The following C2orf69 variants were observed in gnomAD, a reference collection of about 807,000 sequenced individuals.
The protein encoded by C2orf69 is mitochondrial protein C2orf69.
Under a neutral mutation model 29.5 loss-of-function variants are expected in C2orf69, and 19 were observed. The ratio of observed to expected loss-of-function variants is 0.65; its 90% CI spans 0.45 to 0.95. The LOEUF (loss-of-function observed/expected upper bound fraction) is 0.95. Ranked by LOEUF, C2orf69 falls within the 40% of genes least tolerant of loss-of-function variation. C2orf69 has a pLI of 0.00. For synonymous variants in C2orf69, 194 were observed against 180.0 expected, an observed-to-expected ratio of 1.08 and a Z score of -0.62; for missense variants, 416 against 482.1, an observed-to-expected ratio of 0.86 and a Z score of 1.28.
At chr2:199,912,251 A>T (rs2077267062) in intron 1 of C2orf69, among the ~76,000 whole-genome samples, 1 of 152,182 alleles carries the variant, frequency 6.6e-6, no homozygotes, top group Non-Finnish European at 1.5e-5. Context: ...AAGAGTGGGG[A>T]TGGGTGGAAG....
At chr2:199,917,982 T>A (rs1411623304) in intron 1 of C2orf69, among the ~76,000 whole-genome samples, 2 of 152,176 alleles carry the variant, frequency 1.3e-5, no homozygotes, top group African/African-American at 4.8e-5. Context: ...CATGCCCTTC[T>A]TCATATGGTG....
At chr2:199,923,314 C>A (rs1012678817) in intron 1 of C2orf69, among the ~76,000 whole-genome samples, 3 of 152,160 alleles carry the variant, frequency 2.0e-5, no homozygotes, top group African/African-American at 7.2e-5. Flanking sequence ...TTTGAACTGT[C>A]CAGTATCGTA....
chr2:199,919,844 C>T (rs1195113283), intron 1 of C2orf69, among the ~76,000 whole-genome samples: 1 of 152,230 alleles, frequency 6.6e-6, no homozygotes, highest in African/African-American at 2.4e-5. Context: ...GTTCACTCTG[C>T]TCTAAGGGCA....
rs148785517 is a variant in C2orf69, at chr2:199,928,200, C to T, written c.*2314C>T. The T allele has an allele frequency of 2.6e-5, 4 of 152,632 alleles. No homozygotes were observed. Among genetic ancestry groups the T allele is most frequent in the Admixed American group, 2.6e-4 (4 of 15,278 alleles). 9.5% of individuals were successfully genotyped at this position (152,632 alleles called of 1,614,324 possible). ...TTTGTCATGAGTTGAGAAAAGTAGT[C>T]CTACAAATAATGTGAAAGTTGTTAC... On this transcript the variant is annotated 3_prime_UTR_variant, in exon 2 of 2. Transcript: ENST00000319974.
intron 1 of C2orf69, among the ~76,000 whole-genome samples, chr2:199,916,278 C>T (rs76143433): frequency 1.3e-5 from 2 of 152,130 alleles, no homozygotes; most frequent in East Asian, 3.9e-4. Context: ...TAACCTGCCC[C>T]ATGATTCAGT....
chr2:199,922,834 A>G lies in C2orf69; in HGVS notation c.334-2228A>G, dbSNP rs181550170. Among the ~76,000 whole-genome samples, 539 of 152,324 alleles carry G rather than the reference A, an allele frequency of 3.5e-3. 2 individuals are homozygous for G. The highest frequency in any genetic ancestry group is 5.9e-3 in the Non-Finnish European group (398 of 68,034). ...TTGCATCAGCTATTGCCCCTTCATT[A>G]TTAGGAGCCAGAGTAATATTTTCAA... On this transcript the variant is annotated intron_variant, in intron 1 of 1. Coordinates refer to ENST00000319974, the MANE Select transcript of C2orf69 (RefSeq NM_153689.6).
chr2:199,913,693 G>A (rs918308406), intron 1 of C2orf69, among the ~76,000 whole-genome samples: 1 of 150,616 alleles, frequency 6.6e-6, no homozygotes, highest in Non-Finnish European at 1.5e-5. Context: ...AGAAAAAAAA[G>A]CCACTTACTT....
At chr2:199,920,232 T>C (rs1427768610) in intron 1 of C2orf69, among the ~76,000 whole-genome samples, 1 of 152,174 alleles carries the variant, frequency 6.6e-6, no homozygotes, top group Non-Finnish European at 1.5e-5. Context: ...TACCTCTTAG[T>C]AACTCCTAGA....
At chr2:199,912,651 G>T (rs1446363217) in intron 1 of C2orf69, among the ~76,000 whole-genome samples, 1 of 151,674 alleles carries the variant, frequency 6.6e-6, no homozygotes, top group Non-Finnish European at 1.5e-5. Flanking sequence ...TCTCTTTTTT[G>T]TTTTTTTGAG....
chr2:199,918,987 T>A (rs975066827), intron 1 of C2orf69, among the ~76,000 whole-genome samples: 7 of 152,206 alleles, frequency 4.6e-5, no homozygotes, highest in Non-Finnish European at 8.8e-5. Flanking sequence ...GGTCTAGCTC[T>A]GTCAACTAGG....
chr2:199,912,952 C>A (rs931431426), intron 1 of C2orf69, among the ~76,000 whole-genome samples: 1 of 150,968 alleles, frequency 6.6e-6, no homozygotes, highest in Admixed American at 6.7e-5. Context: ...ACATGTGTTT[C>A]TTATACTATG....
chr2:199,923,120 C>CT (rs1230419120), intron 1 of C2orf69, among the ~76,000 whole-genome samples: 1 of 152,248 alleles, frequency 6.6e-6, no homozygotes, highest in Non-Finnish European at 1.5e-5. Flanking sequence ...GGTTCACTCT[C>CT]TGAGTTCCTT....
intron 1 of C2orf69, among the ~76,000 whole-genome samples, chr2:199,913,241 TAATATATATTATATAA>T (rs1415082847): frequency 3.5e-4 from 11 of 31,142 alleles, no homozygotes; most frequent in African/African-American, 1.3e-3. Context: ...ATAATATATA[TAATATATATTATATAA>T]AATATATTCT....
chr2:199,925,669 C>T lies in C2orf69; in HGVS notation c.941C>T (p.Pro314Leu), dbSNP rs751350941. The T allele has an allele frequency of 5.0e-5, 81 of 1,613,852 alleles. No individual in the cohort carries two copies. Among genetic ancestry groups the T allele is most frequent in the Middle Eastern group, 3.3e-4 (2 of 6,060 alleles). ...SGGSNTWVTY[P>L]EVLKEFAQTG... is the part of the protein sequence containing the mutation. ...GGAAGCAATACTTGGGTTACTTATC[C>T]AGAAGTCTTGAAAGAATTTGCACAA... is the stretch of plus-strand genomic sequence containing the variant. Residue 314 changes from proline to leucine, a missense_variant, in exon 2 of 2, where the codon CCA (proline) becomes CTA (leucine). Pro to Leu is a moderately conservative substitution (Grantham distance 98). Transcript: ENST00000319974. This position sits in a 1 kb window ranked among gnomAD's most constrained non-coding sequence, Gnocchi z 4.9.
chr2:199,919,389 AG>A (rs1230254259), intron 1 of C2orf69, among the ~76,000 whole-genome samples: 1 of 152,254 alleles, frequency 6.6e-6, no homozygotes, highest in Non-Finnish European at 1.5e-5. Flanking sequence ...CCTAAAGGTT[AG>A]GATCTATAGA....
rs532211246 is a variant in C2orf69, at chr2:199,913,181, A to T, written c.333+1410A>T. On this transcript the variant is annotated intron_variant, in intron 1 of 1. Coordinates refer to ENST00000319974, the MANE Select transcript of C2orf69 (RefSeq NM_153689.6). ...TATTTTATATATATATTATATATAA[A>T]ATTATATATATTATATATAATATAT... Among the ~76,000 whole-genome samples, 431 of 112,394 alleles carry T rather than the reference A, an allele frequency of 3.8e-3. 7 individuals are homozygous for T. The highest frequency in any genetic ancestry group is 0.014 in the African/African-American group (403 of 28,212). 73.7% of individuals were successfully genotyped at this position (112,394 alleles called of 152,430 possible).
In C2orf69 at chr2:199,925,747, T is replaced by C; in HGVS notation, c.1019T>C (p.Met340Thr). 6.2e-7 allele frequency: 1 copy of C among 1,613,680 alleles called. No individual in the cohort carries two copies. The highest frequency in any genetic ancestry group is 8.5e-7 in the Non-Finnish European group (1 of 1,179,636). ...HVTPYQVRDP[M>T]RSWIGKEHKK... ...ACACCTTACCAAGTACGTGATCCAA[T>C]GAGATCTTGGATTGGAAAGGAGCAC... The change falls in exon 2 of 2, where the codon ATG becomes ACG. Residue 340 changes from methionine (M) to threonine (T), a missense_variant. Physicochemically the swap from Met to Thr is moderately conservative, Grantham distance 81. Transcript: ENST00000319974. The surrounding 1 kb of genome is among the most constrained non-coding windows in gnomAD (Gnocchi z 4.9).
intron 1 of C2orf69, among the ~76,000 whole-genome samples, chr2:199,912,723 C>T (rs2077270686): frequency 6.6e-6 from 1 of 152,114 alleles, no homozygotes; most frequent in Admixed American, 6.5e-5. Context: ...TCACTGCAAC[C>T]TCCGCCTCCC....
Position 199,911,696 on chromosome 2 carries a change from C to G in C2orf69, c.258C>G (p.Leu86=). Residue 86 remains leucine (L), a synonymous_variant, in exon 1 of 2, where the codon CTC becomes CTG. Transcript: ENST00000319974. ...GGGAGGGACTGGAGCGGCAGGACCT[C>G]CCCGGGGACCCAGCGAAGGAGGAGC... ...AAGEGLERQD[L]PGDPAKEEPQ... The G allele has an allele frequency of 6.5e-7, 1 of 1,546,028 alleles. No individual in the cohort carries two copies. The highest frequency in any genetic ancestry group is 8.7e-7 in the Non-Finnish European group (1 of 1,146,906).
Sources: allele counts gnomAD v4.1 joint callset (sites outside exome capture counted in the v4.1 genomes callset), GRCh38; gene constraint gnomAD v4.1.1; non-coding constraint Gnocchi (gnomAD v3.1); transcripts MANE v1.5; gene names NCBI Gene and HGNC (gene_info 2026-07-23, HGNC 2026-07-21).